The following AUTS2 variants were observed in gnomAD, a reference collection of about 807,000 sequenced individuals.
AUTS2 encodes activator of transcription and developmental regulator AUTS2.
Under a neutral mutation model 112.4 loss-of-function variants are expected in AUTS2, and 17 were observed. The observed-to-expected ratio is 0.15, with a 90% CI of 0.10 to 0.23. The LOEUF is 0.23. Ranked by LOEUF, AUTS2 falls within the 10% of genes least tolerant of loss-of-function variation. AUTS2 has a pLI of 1.00. For missense variants in AUTS2, 1,510 were observed against 1,701.6 expected (o/e 0.89, Z 1.98); for synonymous variants, 751 against 702.7 (o/e 1.07, Z -1.09).
chr7:70,126,370 C>A (rs1805971042), intron 3 of AUTS2, among the ~76,000 whole-genome samples: 1 of 152,110 alleles, frequency 6.6e-6, no homozygotes, highest in Non-Finnish European at 1.5e-5. Context: ...GATTGTGCCA[C>A]TGCACTCCAG....
intron 1 of AUTS2, among the ~76,000 whole-genome samples, chr7:69,894,920 A>G (rs940793405): frequency 6.6e-6 from 1 of 152,224 alleles, no homozygotes; most frequent in East Asian, 1.9e-4. Flanking sequence ...GTGAACCACT[A>G]TCCTAGATCA....
At chr7:70,189,125 C>T (rs867321937) in intron 4 of AUTS2, among the ~76,000 whole-genome samples, 7 of 152,096 alleles carry the variant, frequency 4.6e-5, no homozygotes, top group African/African-American at 1.7e-4. Flanking sequence ...GAGCTGACTG[C>T]GTAGGCTCAT....
At chr7:70,257,075 G>A (rs146381058) in intron 4 of AUTS2, among the ~76,000 whole-genome samples, 4 of 152,188 alleles carry the variant, frequency 2.6e-5, no homozygotes, top group Non-Finnish European at 4.4e-5. Context: ...ATGATGGTCC[G>A]GGCCTTCCTT....
chr7:70,169,790 C>T (rs928593859), intron 4 of AUTS2, among the ~76,000 whole-genome samples: 1 of 152,064 alleles, frequency 6.6e-6, no homozygotes, highest in African/African-American at 2.4e-5. Flanking sequence ...TCACGAGAAA[C>T]ATTACGGGGT....
Position 70,004,423 on chromosome 7 carries a change from A to T in AUTS2, c.522+104925A>T, listed in dbSNP as rs909577570. Among the ~76,000 whole-genome samples the T allele has an allele frequency of 8.0e-3, 135 of 16,868 alleles. 1 individual carries two copies. The South Asian group carries it at 0.21, about 26-fold the overall frequency. The allele number at this position is 16,868 out of a possible 152,430, so 11.1% of individuals were successfully genotyped here. A position where few individuals can be genotyped will look rare whatever the true frequency, so the allele number is the denominator to read the frequency against. Reference sequence around the variant, plus strand: ...TATATATGTGAATATATAATATATTATATATATATATATATAAAATGCCAT... The same window carrying T: ...TATATATGTGAATATATAATATATTTTATATATATATATATAAAATGCCAT... On this transcript the variant is annotated intron_variant, in intron 2 of 18. Coordinates refer to ENST00000342771, the MANE Select transcript of AUTS2 (RefSeq NM_015570.4).
chr7:69,891,215 T>C (rs1357908181), intron 1 of AUTS2, among the ~76,000 whole-genome samples: 2 of 152,244 alleles, frequency 1.3e-5, no homozygotes, highest in African/African-American at 4.8e-5. Context: ...GGATTTTATA[T>C]AAATGGGATC....
intron 2 of AUTS2, among the ~76,000 whole-genome samples, chr7:70,039,142 TC>T (rs1801137022): frequency 1.3e-5 from 2 of 152,070 alleles, no homozygotes. Context: ...ATATGAAAAG[TC>T]CCCAGCACAG....
At chr7:70,133,418 T>C (rs376238606) in intron 3 of AUTS2, among the ~76,000 whole-genome samples, 17 of 152,294 alleles carry the variant, frequency 1.1e-4, no homozygotes, top group East Asian at 9.6e-4. Flanking sequence ...TGCAAGTCAT[T>C]GTGTGAAGCT....
chr7:70,248,229 C>T (rs1193369764), intron 4 of AUTS2, among the ~76,000 whole-genome samples: 1 of 152,146 alleles, frequency 6.6e-6, no homozygotes, highest in Non-Finnish European at 1.5e-5. Context: ...CCACCTCAGC[C>T]TTCCTAGTAG....
At chr7:70,432,345 A>G (rs1469969851) in intron 4 of AUTS2, among the ~76,000 whole-genome samples, 1 of 152,138 alleles carries the variant, frequency 6.6e-6, no homozygotes, top group Non-Finnish European at 1.5e-5. Flanking sequence ...GGGATTGAGG[A>G]GCAGACACTT....
At chr7:70,651,089 G>A (rs376568629) in intron 5 of AUTS2, among the ~76,000 whole-genome samples, 2 of 152,230 alleles carry the variant, frequency 1.3e-5, no homozygotes, top group African/African-American at 4.8e-5. Context: ...TTGAGCACTT[G>A]CTGTTTGAGA....
At chr7:70,463,716 A>G (rs559430987) in intron 5 of AUTS2, among the ~76,000 whole-genome samples, 5 of 152,276 alleles carry the variant, frequency 3.3e-5, no homozygotes, top group African/African-American at 7.2e-5. Context: ...TGCATGGAGC[A>G]CACCTCCCAC....
At chr7:69,865,103 G>GTT (rs796779159) in intron 1 of AUTS2, among the ~76,000 whole-genome samples, 56 of 139,882 alleles carry the variant, frequency 4.0e-4, no homozygotes, top group African/African-American at 6.5e-4. Context: ...AGGATGGTAG[G>GTT]TTTTTTTTTT....
At chr7:70,219,971 A>G (rs1017294821) in intron 4 of AUTS2, among the ~76,000 whole-genome samples, 1 of 152,216 alleles carries the variant, frequency 6.6e-6, no homozygotes, top group Non-Finnish European at 1.5e-5. Flanking sequence ...AGTCTAAGAC[A>G]TACATTCTAG....
In AUTS2 at chr7:69,919,302, G is replaced by T. The variant is rs191772663; in HGVS notation, c.522+19804G>T. Among the ~76,000 whole-genome samples, 7 of 152,206 alleles carry T rather than the reference G, an allele frequency of 4.6e-5. No homozygotes were observed. In the East Asian group the frequency reaches 1.4e-3, roughly 29 times the overall value. On this transcript the variant is annotated intron_variant, in intron 2 of 18. Coordinates refer to ENST00000342771, the MANE Select transcript of AUTS2 (RefSeq NM_015570.4). Reference sequence around the variant, plus strand: ...TATTGATATAAGAAAATCTGTTAAGGTTCCTCTTTCAGCAGTTATGGGGAT... The same window carrying T: ...TATTGATATAAGAAAATCTGTTAAGTTTCCTCTTTCAGCAGTTATGGGGAT...
intron 2 of AUTS2, among the ~76,000 whole-genome samples, chr7:69,988,382 C>T (rs1444387895): frequency 6.6e-6 from 1 of 152,112 alleles, no homozygotes; most frequent in East Asian, 1.9e-4. Context: ...TTGTTTTTTT[C>T]TGGCCTCTCA....
intron 2 of AUTS2, among the ~76,000 whole-genome samples, chr7:69,990,585 T>G (rs1268586025): frequency 2.0e-5 from 3 of 152,052 alleles, no homozygotes; most frequent in Non-Finnish European, 4.4e-5. Context: ...AAAATATGAG[T>G]GTAACTTTGA....
chr7:70,393,211 C>T (rs1295317902), intron 4 of AUTS2, among the ~76,000 whole-genome samples: 2 of 152,212 alleles, frequency 1.3e-5, no homozygotes, highest in African/African-American at 4.8e-5. Context: ...AAAACTCAAT[C>T]AGCTTTTCCC....
intron 2 of AUTS2, among the ~76,000 whole-genome samples, chr7:70,060,587 G>C (rs957749320): frequency 3.3e-5 from 5 of 152,180 alleles, no homozygotes; most frequent in African/African-American, 1.2e-4. Flanking sequence ...ACTTTGTAAT[G>C]CACATTTTAC....
Sources: allele counts gnomAD v4.1 joint callset (sites outside exome capture counted in the v4.1 genomes callset), GRCh38; gene constraint gnomAD v4.1.1; transcripts MANE v1.5; gene names NCBI Gene and HGNC (gene_info 2026-07-23, HGNC 2026-07-21).